SHISA9: variants seen among roughly 807,000 people sequenced by gnomAD.
The protein encoded by SHISA9 is protein shisa-9.
Under a neutral mutation model 38.0 loss-of-function variants are expected in SHISA9, and 13 were observed. That is an observed-to-expected ratio of 0.34 (90% CI 0.22 to 0.54). The LOEUF is 0.54. Ranked by LOEUF, SHISA9 falls within the 20% of genes least tolerant of loss-of-function variation. The probability of loss-of-function intolerance (pLI) is 0.91; values close to 1 mark genes in which losing one functional copy is unlikely to be tolerated. For missense variants in SHISA9, 538 were observed against 575.8 expected, an observed-to-expected ratio of 0.93 and a Z score of 0.67; for synonymous variants, 275 against 242.0, an observed-to-expected ratio of 1.14 and a Z score of -1.27.
chr16:12,948,623 C>T (rs1445290725), intron 2 of SHISA9, among the ~76,000 whole-genome samples: 1 of 152,144 alleles, frequency 6.6e-6, no homozygotes, highest in African/African-American at 2.4e-5. Context: ...CTTGTGTCCT[C>T]ACATGGTGGA....
At chr16:13,554,508 TTC>T in the SHISA9 span, among the ~76,000 whole-genome samples, 1 of 146,540 alleles carries the variant, frequency 6.8e-6, no homozygotes, top group African/African-American at 2.5e-5. Context: ...TTTTCTTTTC[TTC>T]TCTTTCTTTT....
At chr16:12,982,096 C>G (rs1002296660) in intron 2 of SHISA9, among the ~76,000 whole-genome samples, 1 of 152,180 alleles carries the variant, frequency 6.6e-6, no homozygotes, top group African/African-American at 2.4e-5. Flanking sequence ...CACTACTTTA[C>G]AAATGGAAAC....
intron 2 of SHISA9, among the ~76,000 whole-genome samples, chr16:13,099,436 G>A (rs1371133049): frequency 6.6e-6 from 1 of 152,142 alleles, no homozygotes; most frequent in Non-Finnish European, 1.5e-5. Flanking sequence ...AAAGAATGCT[G>A]GGGAGAGGGT....
chr16:13,142,622 C>T (rs1407910223), intron 2 of SHISA9, among the ~76,000 whole-genome samples: 1 of 152,154 alleles, frequency 6.6e-6, no homozygotes, highest in East Asian at 1.9e-4. Flanking sequence ...CCAGATAGTC[C>T]TTTTGATTTT....
chr16:12,980,753 T>G (rs2072230084), intron 2 of SHISA9, among the ~76,000 whole-genome samples: 1 of 152,076 alleles, frequency 6.6e-6, no homozygotes. Flanking sequence ...ATTTTTTTAG[T>G]CATGACTTCT....
chr16:13,503,230 A>C, the SHISA9 span, among the ~76,000 whole-genome samples: 2 of 152,340 alleles, frequency 1.3e-5, no homozygotes, highest in East Asian at 3.9e-4. Flanking sequence ...ATAGTGAGTA[A>C]TATGGAAAAT....
At chr16:13,349,267 C>T in the SHISA9 span, among the ~76,000 whole-genome samples, 1 of 152,216 alleles carries the variant, frequency 6.6e-6, no homozygotes, top group Non-Finnish European at 1.5e-5. Context: ...TAGGTCTTAA[C>T]CACCCGCAGT....
At chr16:13,234,960 C>T in intron 4 of SHISA9, 70 bp from the exon 5 acceptor site, 1 of 1,068,886 alleles carries the variant, frequency 9.4e-7, no homozygotes, top group East Asian at 3.8e-5. Flanking sequence ...GTCTCTAACT[C>T]TCTCTCTCTC....
intron 2 of SHISA9, among the ~76,000 whole-genome samples, chr16:12,953,584 G>A (rs1319436337): frequency 6.6e-6 from 1 of 152,102 alleles, no homozygotes; most frequent in African/African-American, 2.4e-5. Context: ...CATCAAGTAG[G>A]CATAAATAAG....
intron 2 of SHISA9, among the ~76,000 whole-genome samples, chr16:13,017,208 TG>T (rs771550429): frequency 4.1e-4 from 62 of 151,862 alleles, no homozygotes; most frequent in Non-Finnish European, 6.5e-4. Flanking sequence ...TCAGTAGAGA[TG>T]GGGTTTCACC....
chr16:12,916,925 C>A, intron 2 of SHISA9, 110 bp downstream of exon 2: 2 of 1,228,176 alleles, frequency 1.6e-6, no homozygotes, highest in Non-Finnish European at 2.2e-6. Flanking sequence ...TCTTTGTGGG[C>A]AAGTTAGAAG....
At chr16:13,154,564 A>G (rs1264014419) in intron 2 of SHISA9, among the ~76,000 whole-genome samples, 1 of 152,208 alleles carries the variant, frequency 6.6e-6, no homozygotes, top group Non-Finnish European at 1.5e-5. Context: ...ACCCCAGGCA[A>G]TGTATGAGAG....
the SHISA9 span, among the ~76,000 whole-genome samples, chr16:13,507,147 GC>G: frequency 6.6e-6 from 1 of 151,620 alleles, no homozygotes; most frequent in Non-Finnish European, 1.5e-5. Context: ...AGTAACTTTG[GC>G]TTTTGTTCTA....
chr16:13,184,664 C>T (rs1253494094), intron 2 of SHISA9, among the ~76,000 whole-genome samples: 1 of 152,118 alleles, frequency 6.6e-6, no homozygotes, highest in East Asian at 1.9e-4. Context: ...GTCTTCTGTC[C>T]CTATAATTTT....
At chr16:13,525,022 A>G in the SHISA9 span, among the ~76,000 whole-genome samples, 106 of 152,310 alleles carry the variant, frequency 7.0e-4, no homozygotes, top group African/African-American at 2.5e-3. Flanking sequence ...TGAGAACCAC[A>G]ATATAGTTCT....
the SHISA9 span, among the ~76,000 whole-genome samples, chr16:13,549,254 T>C: frequency 2.8e-4 from 43 of 152,312 alleles, no homozygotes; most frequent in Non-Finnish European, 4.1e-4. Context: ...GGTCAGTGGG[T>C]ACAAAGTTAG....
intron 2 of SHISA9, among the ~76,000 whole-genome samples, chr16:13,063,645 G>A (rs1190734593): frequency 1.3e-5 from 2 of 152,106 alleles, no homozygotes; most frequent in Non-Finnish European, 2.9e-5. Flanking sequence ...TTGCGCAATG[G>A]CATTGACAGC....
chr16:13,092,627 C>G (rs1179118487), intron 2 of SHISA9, among the ~76,000 whole-genome samples: 3 of 152,246 alleles, frequency 2.0e-5, no homozygotes, highest in African/African-American at 7.2e-5. Context: ...ACCTGCCAAG[C>G]CAGGCACAGG....
chr16:13,506,507 C>T, the SHISA9 span, among the ~76,000 whole-genome samples: 3 of 152,156 alleles, frequency 2.0e-5, no homozygotes, highest in South Asian at 4.2e-4. Flanking sequence ...TCAAAGACGA[C>T]GGTTGCATGG....
Sources: allele counts gnomAD v4.1 joint callset (sites outside exome capture counted in the v4.1 genomes callset), GRCh38; gene constraint gnomAD v4.1.1; transcripts MANE v1.5; gene names NCBI Gene and HGNC (gene_info 2026-07-23, HGNC 2026-07-21).